The following HHIP variants were observed in gnomAD, a reference collection of about 807,000 sequenced individuals.
HHIP encodes hedgehog interacting protein.
In HHIP, 12 loss-of-function variants were observed where a neutral mutation model predicts 74.0. The observed-to-expected ratio is 0.16, with a 90% CI of 0.10 to 0.26. The LOEUF is 0.26. HHIP is among the 10% of genes least tolerant of loss of function. The pLI is 1.00. For missense variants in HHIP, 788 were observed against 845.0 expected (o/e 0.93, Z 0.84); for synonymous variants, 309 against 311.6 (o/e 0.99, Z 0.09).
chr4:144,686,589 C>T (rs2126628705), intron 4 of HHIP, among the ~76,000 whole-genome samples: 1 of 152,056 alleles, frequency 6.6e-6, no homozygotes, highest in East Asian at 1.9e-4. Flanking sequence ...GGAAATGTTA[C>T]TAAAAGAAAT....
chr4:144,691,319 T>C (rs1327319558), intron 4 of HHIP, among the ~76,000 whole-genome samples: 2 of 152,226 alleles, frequency 1.3e-5, no homozygotes, highest in African/African-American at 2.4e-5. Context: ...TGCATACTAA[T>C]TTTGATAGGC....
At chr4:144,708,358 G>A (rs768428100) in intron 7 of HHIP, 47 bp downstream of exon 7, 1 of 1,603,794 alleles carries the variant, frequency 6.2e-7, no homozygotes, top group African/African-American at 1.3e-5. Context: ...GCCAGGCGGG[G>A]ATCCGAGAAC....
At chr4:144,696,312 C>T (rs980511995) in intron 4 of HHIP, among the ~76,000 whole-genome samples, 1 of 151,640 alleles carries the variant, frequency 6.6e-6, no homozygotes, top group Non-Finnish European at 1.5e-5. Flanking sequence ...ACTGGCACAA[C>T]ACTACCTTAA....
At chr4:144,725,859 G>A (rs113705451) in intron 11 of HHIP, among the ~76,000 whole-genome samples, 87 of 151,986 alleles carry the variant, frequency 5.7e-4, no homozygotes, top group Non-Finnish European at 1.0e-3. Context: ...TTGTAGAGAC[G>A]GGGGTTTCAC....
Position 144,740,688 on chromosome 4 carries a change from A to G in HHIP, c.*2731A>G, listed in dbSNP as rs1049865898. 3.9e-5 allele frequency: 6 copies of G among 152,216 alleles called. No homozygotes were observed. Among genetic ancestry groups the G allele is most frequent in the African/African-American group, 1.4e-4 (6 of 41,466 alleles). 9.4% of individuals were successfully genotyped at this position (152,216 alleles called of 1,614,324 possible). A position where few individuals can be genotyped will look rare whatever the true frequency, so the allele number is the denominator to read the frequency against. ...AGAGGCAGGTAGGAATTGGTTAAGA[A>G]GTATGAGCAGGAAAAAATTATTGTT... On this transcript the variant is annotated 3_prime_UTR_variant, in exon 13 of 13. Coordinates refer to ENST00000296575, the MANE Select transcript of HHIP (RefSeq NM_022475.3).
chr4:144,685,537 T>C (rs551984525), intron 4 of HHIP: 2 of 152,354 alleles, frequency 1.3e-5, no homozygotes, highest in East Asian at 3.9e-4. Context: ...GGAGTTAGTA[T>C]CTTATGCCTG....
At chr4:144,719,642 C>G (rs2126671533) in intron 11 of HHIP, among the ~76,000 whole-genome samples, 1 of 152,248 alleles carries the variant, frequency 6.6e-6, no homozygotes, top group South Asian at 2.1e-4. Context: ...ATGGATCAAA[C>G]CTGAGCTATC....
chr4:144,732,725 C>T (rs1321704351), intron 11 of HHIP, among the ~76,000 whole-genome samples: 1 of 152,162 alleles, frequency 6.6e-6, no homozygotes, highest in Non-Finnish European at 1.5e-5. Context: ...CCTATTCAGG[C>T]ATAAACCATC....
chr4:144,666,102 CTGA>C (rs1728854239), intron 4 of HHIP, among the ~76,000 whole-genome samples: 1 of 152,154 alleles, frequency 6.6e-6, no homozygotes, highest in Non-Finnish European at 1.5e-5. Context: ...AGAAAATCTA[CTGA>C]TGATATAAGT....
chr4:144,668,075 TG>T (rs1728924516), intron 4 of HHIP, among the ~76,000 whole-genome samples: 1 of 152,064 alleles, frequency 6.6e-6, no homozygotes, highest in South Asian at 2.1e-4. Context: ...CCCAGCACTT[TG>T]GGAGGCCGAG....
At chr4:144,693,558 T>C (rs1195906289) in intron 4 of HHIP, among the ~76,000 whole-genome samples, 1 of 152,076 alleles carries the variant, frequency 6.6e-6, no homozygotes, top group Non-Finnish European at 1.5e-5. Context: ...TAAGGTTATT[T>C]GTACTCCTCA....
chr4:144,715,535 G>A, intron 10 of HHIP, 105 bp downstream of exon 10: 2 of 1,103,732 alleles, frequency 1.8e-6, no homozygotes, highest in Non-Finnish European at 2.6e-6. Context: ...TCTACTTGTT[G>A]GAAATGTAAT....
At chr4:144,731,487 T>C (rs2126686881) in intron 11 of HHIP, among the ~76,000 whole-genome samples, 2 of 152,282 alleles carry the variant, frequency 1.3e-5, no homozygotes, top group South Asian at 4.1e-4. Context: ...TGGCATGATC[T>C]TGGCTCACTG....
At chr4:144,728,336 A>G (rs1173618236) in intron 11 of HHIP, among the ~76,000 whole-genome samples, 3 of 152,216 alleles carry the variant, frequency 2.0e-5, no homozygotes, top group Non-Finnish European at 4.4e-5. Flanking sequence ...AGAAAATATT[A>G]GTCGCAAAGA....
chr4:144,708,104 A>G, intron 6 of HHIP, 64 bp from the exon 7 acceptor site: 1 of 1,518,100 alleles, frequency 6.6e-7, no homozygotes, highest in Non-Finnish European at 9.1e-7. Context: ...ACCTCACCAT[A>G]TTTAATATAG....
intron 1 of HHIP, among the ~76,000 whole-genome samples, chr4:144,647,476 A>C (rs2126569256): frequency 6.6e-6 from 1 of 152,312 alleles, no homozygotes; most frequent in Non-Finnish European, 1.5e-5. Flanking sequence ...AGTTAAACCA[A>C]CAGAAAGGAA....
At position 144,742,868 on chromosome 4, in the gene HHIP, A is replaced by G. The variant is rs1731290607; in HGVS notation, c.*4911A>G. 1 of 137,304 alleles carries G rather than the reference A, an allele frequency of 7.3e-6. No homozygotes were observed. Among genetic ancestry groups the G allele is most frequent in the Non-Finnish European group, 1.5e-5 (1 of 65,032 alleles). 8.5% of individuals were successfully genotyped at this position (137,304 alleles called of 1,614,324 possible). ...ATCTTTATATATATATCTTATATAT[A>G]TATCTTTTTATATATATCTTATATA... is the stretch of plus-strand genomic sequence containing the variant. On this transcript the variant is annotated 3_prime_UTR_variant, in exon 13 of 13. Transcript: ENST00000296575.
At chr4:144,700,986 A>G (rs1005338098) in intron 4 of HHIP, among the ~76,000 whole-genome samples, 1 of 152,084 alleles carries the variant, frequency 6.6e-6, no homozygotes, top group Non-Finnish European at 1.5e-5. Flanking sequence ...AGAGGGTCCC[A>G]TTTTAGTCCC....
chr4:144,734,839 C>A lies in HHIP; in HGVS notation c.1859C>A (p.Thr620Lys), dbSNP rs888830494. 1.2e-6 allele frequency: 2 copies of A among 1,612,938 alleles called. No individual in the cohort carries two copies. Among genetic ancestry groups the A allele is most frequent in the Non-Finnish European group, 1.7e-6 (2 of 1,179,212 alleles). Residue 620 changes from threonine to lysine, a missense_variant, in exon 12 of 13, where the codon ACG (threonine) becomes AAG (lysine). Thr to Lys is a moderately conservative substitution (Grantham distance 78). This residue lies in a region of HHIP where 343 missense variants were observed against 347.9 expected (regional missense o/e 0.99). Transcript: ENST00000296575. Reference protein sequence around the residue: ...RLCRNGYCTPTGKCCCSPGWE... With the variant: ...RLCRNGYCTPKGKCCCSPGWE... ...TGTCGAAACGGCTACTGCACCCCCACGGGAAAGTGCTGCTGCAGTCCAGGC... is the reference window on the plus strand; with the variant it reads ...TGTCGAAACGGCTACTGCACCCCCAAGGGAAAGTGCTGCTGCAGTCCAGGC...
Sources: allele counts gnomAD v4.1 joint callset (sites outside exome capture counted in the v4.1 genomes callset), GRCh38; gene constraint gnomAD v4.1.1; regional missense constraint gnomAD v4.1.1; transcripts MANE v1.5; gene names NCBI Gene and HGNC (gene_info 2026-07-23, HGNC 2026-07-21).